The following ST6GALNAC3 variants were observed in gnomAD, a reference collection of about 807,000 sequenced individuals.
The protein encoded by ST6GALNAC3 is ST6 N-acetylgalactosaminide alpha-2,6-sialyltransferase 3, also known as alpha-N-acetylgalactosaminide alpha-2,6-sialyltransferase 3.
ST6GALNAC3 carries 25 observed loss-of-function variants against 32.7 expected under a neutral mutation model. That is an observed-to-expected ratio of 0.76 (90% CI 0.56 to 1.07). The LOEUF (loss-of-function observed/expected upper bound fraction) is 1.07, where lower values mean the gene tolerates loss of function less well. Among genes scored for constraint, ST6GALNAC3 ranks in the 50% least tolerant of loss-of-function variants. The pLI, the probability that ST6GALNAC3 is intolerant of heterozygous loss-of-function variation, is 0.00. For missense variants in ST6GALNAC3, 355 were observed against 382.4 expected (o/e 0.93, Z 0.60); for synonymous variants, 129 against 133.1 (o/e 0.97, Z 0.21).
chr1:76,156,078 G>C (rs1018060065), intron 1 of ST6GALNAC3, among the ~76,000 whole-genome samples: 2 of 149,862 alleles, frequency 1.3e-5, no homozygotes, highest in African/African-American at 2.4e-5. Context: ...GAGTTTAGTA[G>C]AAGGTTCCTC....
At chr1:76,130,199 C>G (rs1322259136) in intron 1 of ST6GALNAC3, among the ~76,000 whole-genome samples, 1 of 152,212 alleles carries the variant, frequency 6.6e-6, no homozygotes, top group East Asian at 1.9e-4. Flanking sequence ...TCCCTGTTCC[C>G]ACACAGATTT....
intron 1 of ST6GALNAC3, among the ~76,000 whole-genome samples, chr1:76,299,840 T>C (rs1660626135): frequency 6.6e-6 from 1 of 152,066 alleles, no homozygotes; most frequent in Non-Finnish European, 1.5e-5. Flanking sequence ...ATATAAGATA[T>C]GAAACAGATT....
chr1:76,353,872 T>G (rs1175587590), intron 2 of ST6GALNAC3: 1 of 154,198 alleles, frequency 6.5e-6, no homozygotes, highest in African/African-American at 2.4e-5. Context: ...CCCTTTACCT[T>G]CAGAACCCCA....
At chr1:76,430,088 G>C (rs4565767) in intron 3 of ST6GALNAC3, among the ~76,000 whole-genome samples, 72,041 of 151,880 alleles carry the variant, frequency 0.47, 17,319 homozygotes, top group Middle Eastern at 0.52. Context: ...CTTTCCTAAC[G>C]AAAATGTAAT....
At chr1:76,112,125 C>T (rs1311409768) in intron 1 of ST6GALNAC3, among the ~76,000 whole-genome samples, 17 of 137,974 alleles carry the variant, frequency 1.2e-4, no homozygotes, top group African/African-American at 3.3e-4. Context: ...GGCTGACACT[C>T]CCACCTCCCT....
chr1:76,246,364 A>G (rs941472470), intron 1 of ST6GALNAC3, among the ~76,000 whole-genome samples: 3 of 152,044 alleles, frequency 2.0e-5, no homozygotes, highest in East Asian at 1.9e-4. Context: ...TCTTTATCCA[A>G]TTTGCCAGTC....
intron 3 of ST6GALNAC3, among the ~76,000 whole-genome samples, chr1:76,485,935 A>G (rs867414190): frequency 6.6e-6 from 1 of 151,980 alleles, no homozygotes; most frequent in South Asian, 2.1e-4. Flanking sequence ...CTTTGTTCTC[A>G]TTGGTTTCAA....
At chr1:76,248,945 T>C (rs558057398) in intron 1 of ST6GALNAC3, among the ~76,000 whole-genome samples, 1 of 152,296 alleles carries the variant, frequency 6.6e-6, no homozygotes, top group South Asian at 2.1e-4. Context: ...AAGTACCGAT[T>C]TACCTTGTAT....
chr1:76,258,837 A>T (rs1658067626), intron 1 of ST6GALNAC3, among the ~76,000 whole-genome samples: 1 of 152,184 alleles, frequency 6.6e-6, no homozygotes, highest in Non-Finnish European at 1.5e-5. Context: ...TAATTGAAGA[A>T]ATAGAAATCA....
chr1:76,385,145 G>T (rs997722532), intron 2 of ST6GALNAC3, among the ~76,000 whole-genome samples: 26 of 151,950 alleles, frequency 1.7e-4, no homozygotes, highest in Admixed American at 1.2e-3. Flanking sequence ...CAAAAATATC[G>T]CAAGATAAAA....
At chr1:76,434,696 A>T (rs534907483) in intron 3 of ST6GALNAC3, among the ~76,000 whole-genome samples, 1 of 152,122 alleles carries the variant, frequency 6.6e-6, no homozygotes, top group African/African-American at 2.4e-5. Context: ...TTCATGTTAA[A>T]TTAAATACAA....
chr1:76,542,893 A>T (rs558119447), intron 3 of ST6GALNAC3, among the ~76,000 whole-genome samples: 23 of 152,194 alleles, frequency 1.5e-4, no homozygotes, highest in African/African-American at 5.3e-4. Context: ...TTGCTACCTA[A>T]CAGGTAATGT....
At chr1:76,127,505 A>C (rs954415651) in intron 1 of ST6GALNAC3, among the ~76,000 whole-genome samples, 10 of 152,208 alleles carry the variant, frequency 6.6e-5, no homozygotes, top group Admixed American at 1.3e-4. Flanking sequence ...TCATGTGTTA[A>C]ATGGACTTGT....
At chr1:76,580,416 A>G (rs1285099470) in intron 3 of ST6GALNAC3, among the ~76,000 whole-genome samples, 1 of 152,096 alleles carries the variant, frequency 6.6e-6, no homozygotes, top group Non-Finnish European at 1.5e-5. Context: ...CTGTCACATG[A>G]CTTTAACTTG....
At chr1:76,157,643 C>T (rs1305715396) in intron 1 of ST6GALNAC3, among the ~76,000 whole-genome samples, 1 of 152,142 alleles carries the variant, frequency 6.6e-6, no homozygotes, top group Non-Finnish European at 1.5e-5. Context: ...ACCCTGACTG[C>T]CTAAATGATT....
At chr1:76,419,940 C>G (rs1166029344) in intron 3 of ST6GALNAC3, among the ~76,000 whole-genome samples, 3 of 127,670 alleles carry the variant, frequency 2.3e-5, no homozygotes, top group African/African-American at 8.2e-5. Context: ...TTCTTTCTTT[C>G]TTTCTTTTTT....
chr1:76,203,277 T>C (rs1404409661), intron 1 of ST6GALNAC3, among the ~76,000 whole-genome samples: 1 of 152,196 alleles, frequency 6.6e-6, no homozygotes, highest in Non-Finnish European at 1.5e-5. Context: ...CATTACTCAG[T>C]TGTAGAGCTC....
At chr1:76,491,517 C>G (rs1660499226) in intron 3 of ST6GALNAC3, among the ~76,000 whole-genome samples, 1 of 152,138 alleles carries the variant, frequency 6.6e-6, no homozygotes, top group South Asian at 2.1e-4. Flanking sequence ...TCTCCCATCT[C>G]AAAGGCCCCA....
At position 76,277,439 on chromosome 1, in the gene ST6GALNAC3, CAATT is replaced by C. The variant is rs537967603; in HGVS notation, c.19-36361_19-36358del. On this transcript the variant is annotated intron_variant, in intron 1 of 4. Coordinates refer to ENST00000328299, the MANE Select transcript of ST6GALNAC3 (RefSeq NM_152996.4). Reference sequence around the variant, plus strand: ...ATAACTGGGAAAAGATAAGTGGAAACAATTAATTTCTATATTCAAAAAATAGATG... The same window carrying C: ...ATAACTGGGAAAAGATAAGTGGAAACAATTTCTATATTCAAAAAATAGATG... Among the ~76,000 whole-genome samples, 37 of 150,574 alleles carry C rather than the reference CAATT, an allele frequency of 2.5e-4. 1 individual carries two copies. The South Asian group carries it at 7.4e-3, about 30-fold the overall frequency.
Sources: allele counts gnomAD v4.1 joint callset (sites outside exome capture counted in the v4.1 genomes callset), GRCh38; gene constraint gnomAD v4.1.1; transcripts MANE v1.5; gene names NCBI Gene and HGNC (gene_info 2026-07-23, HGNC 2026-07-21).